Variants in RBBP4 observed in about 807,000 individuals in gnomAD.
RBBP4 encodes histone-binding protein RBBP4.
RBBP4 carries 3 observed loss-of-function variants against 57.2 expected under a neutral mutation model. The observed-to-expected ratio is 0.05, with a 90% CI of 0.02 to 0.14. RBBP4 has a LOEUF of 0.14. Ranked by LOEUF, RBBP4 falls within the 10% of genes least tolerant of loss-of-function variation. The pLI is 1.00. For missense variants in RBBP4, 107 were observed against 520.6 expected (o/e 0.21, Z 7.73); for synonymous variants, 151 against 171.5 (o/e 0.88, Z 0.93).
Position 32,681,650 on chromosome 1 carries a change from G to A in RBBP4, c.*1945G>A. 1 of 702,842 alleles carries A rather than the reference G, an allele frequency of 1.4e-6. No homozygotes were observed. Among genetic ancestry groups the A allele is most frequent in the South Asian group, 1.8e-5 (1 of 54,310 alleles). The allele number at this position is 702,842 out of a possible 1,614,324, so 43.5% of individuals were successfully genotyped here. ...AGCAGATGAAATAGAATCCAGCAAA[G>A]AGTTGACATGTTCTGCCTCCGGCCA... On this transcript the variant is annotated 3_prime_UTR_variant, in exon 12 of 12. Coordinates refer to ENST00000373493, the MANE Select transcript of RBBP4 (RefSeq NM_005610.3).
rs1479088148 is a variant in RBBP4, at chr1:32,683,786, C to T, written c.*4081C>T. On this transcript the variant is annotated 3_prime_UTR_variant, in exon 12 of 12. Coordinates refer to ENST00000373493, the MANE Select transcript of RBBP4 (RefSeq NM_005610.3). ...TAGCTGGGATTATAAGTGCCTGCCA[C>T]TATGCCCGGCTAATTTTTGTATTTT... 8.2e-6 allele frequency: 4 copies of T among 485,518 alleles called. No individual in the cohort carries two copies. Among genetic ancestry groups the T allele is most frequent in the Non-Finnish European group, 1.5e-5 (4 of 266,966 alleles). The allele number at this position is 485,518 out of a possible 1,614,324, so 30.1% of individuals were successfully genotyped here.
chr1:32,674,436 G>T (rs911023782), intron 11 of RBBP4, among the ~76,000 whole-genome samples: 18 of 152,070 alleles, frequency 1.2e-4, no homozygotes, highest in Admixed American at 6.6e-5. Flanking sequence ...GGTTTGCCAT[G>T]TTGGCCAGTC....
In RBBP4 at chr1:32,668,246, T is replaced by C; in HGVS notation, c.332T>C (p.Val111Ala). 6.2e-7 allele frequency: 1 copy of C among 1,612,296 alleles called. No homozygotes were observed. ...ACAGAATTTGGAGGTTTTGGTTCAGTTAGTGGAAAAATTGAAATAGAAATC... is the reference window on the plus strand; with the variant it reads ...ACAGAATTTGGAGGTTTTGGTTCAGCTAGTGGAAAAATTGAAATAGAAATC... ...EKGEFGGFGSVSGKIEIEIKI... is the reference protein window; with the variant it reads ...EKGEFGGFGSASGKIEIEIKI... Residue 111 changes from valine (V) to alanine (A), a missense_variant, in exon 4 of 12, where the codon GTT (valine) becomes GCT (alanine). Val to Ala is a moderately conservative substitution (Grantham distance 64, BLOSUM62 0). This residue lies in a region of RBBP4 where 92 missense variants were observed against 408.5 expected (regional missense o/e 0.23). Transcript: ENST00000373493.
chr1:32,678,129 T>G (rs192709440), intron 11 of RBBP4, among the ~76,000 whole-genome samples: 1 of 152,302 alleles, frequency 6.6e-6, no homozygotes, highest in African/African-American at 2.4e-5. Flanking sequence ...TGAGAACATT[T>G]TCATCATCTG....
intron 3 of RBBP4, among the ~76,000 whole-genome samples, chr1:32,660,477 C>T (rs1287382412): frequency 5.3e-5 from 8 of 151,544 alleles, no homozygotes; most frequent in African/African-American, 9.7e-5. Context: ...AGTGCAGTGG[C>T]GCAATCTCTG....
In RBBP4 at chr1:32,651,299, T is replaced by G; in HGVS notation, c.-8T>G. 2 of 1,478,170 alleles carry G rather than the reference T, an allele frequency of 1.4e-6. No homozygotes were observed. Among genetic ancestry groups the G allele is most frequent in the Non-Finnish European group, 9.0e-7 (1 of 1,115,392 alleles). 91.6% of individuals were successfully genotyped at this position (1,478,170 alleles called of 1,614,324 possible). A position where few individuals can be genotyped will look rare whatever the true frequency, so the allele number is the denominator to read the frequency against. ...GACCCCAGGATTCCCCCGGCTCGCC[T>G]GCCCGCCATGGCCGACAAGGAAGGT... On this transcript the variant is annotated 5_prime_UTR_variant, in exon 1 of 12. Transcript: ENST00000373493.
intron 8 of RBBP4, among the ~76,000 whole-genome samples, chr1:32,670,660 C>T (rs1375394367): frequency 2.0e-5 from 3 of 152,118 alleles, no homozygotes; most frequent in Non-Finnish European, 4.4e-5. Context: ...GCAACCTCCA[C>T]TTCCCAGGCT....
At chr1:32,678,228 T>G (rs1405539226) in intron 11 of RBBP4, among the ~76,000 whole-genome samples, 1 of 152,176 alleles carries the variant, frequency 6.6e-6, no homozygotes, top group African/African-American at 2.4e-5. Context: ...TGGATTTGCC[T>G]GTTTTGGACC....
chr1:32,681,898 T>G lies in RBBP4; in HGVS notation c.*2193T>G. 1.9e-6 allele frequency: 3 copies of G among 1,584,694 alleles called. No individual in the cohort carries two copies. The highest frequency in any genetic ancestry group is 2.6e-6 in the Non-Finnish European group (3 of 1,153,376). On this transcript the variant is annotated 3_prime_UTR_variant, in exon 12 of 12. Coordinates refer to ENST00000373493, the MANE Select transcript of RBBP4 (RefSeq NM_005610.3). Reference sequence around the variant, plus strand: ...AAGAAAAAGTTTATAACAGTGAACTTCTGAGGTTTAGTTACTGCAGGCTTT... The same window carrying G: ...AAGAAAAAGTTTATAACAGTGAACTGCTGAGGTTTAGTTACTGCAGGCTTT...
At chr1:32,675,641 C>T (rs534183589) in intron 11 of RBBP4, among the ~76,000 whole-genome samples, 311 of 151,722 alleles carry the variant, frequency 2.0e-3, no homozygotes, top group African/African-American at 7.1e-3. Context: ...TGGTGGCGGG[C>T]GCCTGTAGTC....
intron 9 of RBBP4, 54 bp downstream of exon 9, chr1:32,672,580 T>A: frequency 6.3e-7 from 1 of 1,598,450 alleles, no homozygotes; most frequent in South Asian, 1.1e-5. Flanking sequence ...TATTTACACT[T>A]TGCAAAGGTA....
intron 1 of RBBP4, 100 bp downstream of exon 1, chr1:32,651,422 T>C (rs1483605956): frequency 2.9e-6 from 4 of 1,382,250 alleles, no homozygotes; most frequent in Non-Finnish European, 2.8e-6. Flanking sequence ...GTTTGCCGAG[T>C]GCAGTCCCCG....
chr1:32,661,870 CTTTTTTTTTTTTTTTTTTTTTTT>C (rs71006354), intron 3 of RBBP4, among the ~76,000 whole-genome samples: 3 of 49,288 alleles, frequency 6.1e-5, no homozygotes, highest in South Asian at 1.5e-3. Context: ...CCTTTGCCCA[CTTTTTTTTTTTTTTTTTTTTTTT>C]TTTTTTTTTT....
At chr1:32,672,303 C>G (rs1265276336) in intron 8 of RBBP4, 147 bp from the exon 9 acceptor site, 2 of 671,344 alleles carry the variant, frequency 3.0e-6, no homozygotes, top group Admixed American at 6.2e-5. Flanking sequence ...AATTCTTTAG[C>G]TCTTAATTTT....
Position 32,681,120 on chromosome 1 carries a change from C to T in RBBP4, c.*1415C>T, listed in dbSNP as rs1416436854. On this transcript the variant is annotated 3_prime_UTR_variant, in exon 12 of 12. Transcript: ENST00000373493. ...ACCAGATAAAATTCCTGTTTTTTCC[C>T]AATCGCTTAGTTTTTTGTTGTTGTT... 2.0e-5 allele frequency: 3 copies of T among 152,584 alleles called. No individual in the cohort carries two copies. The highest frequency in any genetic ancestry group is 4.1e-4 in the South Asian group (2 of 4,838). 9.5% of individuals were successfully genotyped at this position (152,584 alleles called of 1,614,324 possible).
At position 32,680,349 on chromosome 1, in the gene RBBP4, T is replaced by C. The variant is rs1456619831; in HGVS notation, c.*644T>C. On this transcript the variant is annotated 3_prime_UTR_variant, in exon 12 of 12. Transcript: ENST00000373493. Reference sequence around the variant, plus strand: ...GTCTGTGAAATGGTGTTTTTTTTTTTGTTGTTGGTTTTTTTTTTTTTTTTT... The same window carrying C: ...GTCTGTGAAATGGTGTTTTTTTTTTCGTTGTTGGTTTTTTTTTTTTTTTTT... 8.3e-7 allele frequency: 1 copy of C among 1,204,316 alleles called. No homozygotes were observed. The highest frequency in any genetic ancestry group is 1.7e-5 in the African/African-American group (1 of 58,622). 74.6% of individuals were successfully genotyped at this position (1,204,316 alleles called of 1,614,324 possible). A position where few individuals can be genotyped will look rare whatever the true frequency, so the allele number is the denominator to read the frequency against.
In RBBP4 at chr1:32,669,614, G is replaced by A; in HGVS notation, c.966+51G>A. ...TGTTTGTTTTAAGAAAAACCTGCTG[G>A]GCGCGGTCGCTCACGCCTGTAATCC... On this transcript the variant is annotated intron_variant, in intron 8 of 11. Transcript: ENST00000373493. This position sits in a 1 kb window ranked among gnomAD's most constrained non-coding sequence, Gnocchi z 4.9. 2 of 1,567,142 alleles carry A rather than the reference G, an allele frequency of 1.3e-6. No individual in the cohort carries two copies. Among genetic ancestry groups the A allele is most frequent in the Non-Finnish European group, 8.6e-7 (1 of 1,160,718 alleles).
intron 3 of RBBP4, among the ~76,000 whole-genome samples, chr1:32,667,745 T>C (rs1264767328): frequency 6.6e-6 from 1 of 152,180 alleles, no homozygotes; most frequent in Non-Finnish European, 1.5e-5. Context: ...AGACCTCCTT[T>C]GGATACCAAA....
chr1:32,665,412 T>G (rs2642550), intron 3 of RBBP4, among the ~76,000 whole-genome samples: 126,004 of 152,052 alleles, frequency 0.83, 54,708 homozygotes, highest in Non-Finnish European at 0.96. Flanking sequence ...GCCCAGTGGC[T>G]CTCTCCTGTA....
Sources: gnomAD v4.1 joint callset for allele counts (sites outside exome capture counted in the v4.1 genomes callset) on GRCh38, gnomAD v4.1.1 for gene constraint, gnomAD v4.1.1 regional missense constraint, Gnocchi (gnomAD v3.1) non-coding constraint, MANE v1.5 for transcripts, NCBI Gene and HGNC (gene_info 2026-07-23, HGNC 2026-07-21) for gene names.